Variants in GALNT17 observed in about 807,000 individuals in gnomAD.
GALNT17 encodes the protein UDP-GalNAc:polypeptide N-acetylgalactosaminyltransferase-like 3.
Under a neutral mutation model 63.7 loss-of-function variants are expected in GALNT17, and 29 were observed. The observed-to-expected ratio is 0.46, with a 90% CI of 0.34 to 0.62. The LOEUF is 0.62. Among genes scored for constraint, GALNT17 ranks in the 20% least tolerant of loss-of-function variants. The pLI is 0.01. For missense variants in GALNT17, 603 were observed against 799.6 expected (o/e 0.75, Z 2.97); for synonymous variants, 305 against 318.3 (o/e 0.96, Z 0.45).
chr7:71,388,448 G>A (rs1166684975), intron 3 of GALNT17, 47 bp downstream of exon 3: 1 of 1,576,450 alleles, frequency 6.3e-7, no homozygotes, highest in South Asian at 1.2e-5. Flanking sequence ...ACAGCAGGGG[G>A]AAATGCCACT....
At chr7:71,511,134 A>T (rs775970539) in intron 5 of GALNT17, among the ~76,000 whole-genome samples, 3 of 152,114 alleles carry the variant, frequency 2.0e-5, no homozygotes, top group Non-Finnish European at 4.4e-5. Context: ...GTGAGCCATG[A>T]TCATGCACCA....
intron 6 of GALNT17, among the ~76,000 whole-genome samples, chr7:71,595,111 C>T (rs1789866305): frequency 6.6e-6 from 1 of 152,062 alleles, no homozygotes; most frequent in South Asian, 2.1e-4. Context: ...ATGGCCACCA[C>T]CAAAAGCTAG....
chr7:71,565,175 G>A (rs1789321105), intron 5 of GALNT17, among the ~76,000 whole-genome samples: 1 of 152,098 alleles, frequency 6.6e-6, no homozygotes, highest in Non-Finnish European at 1.5e-5. Context: ...GCTGAGGCAG[G>A]AGAATCGCTT....
chr7:71,213,520 A>G (rs375071699), intron 1 of GALNT17, among the ~76,000 whole-genome samples: 3 of 152,172 alleles, frequency 2.0e-5, no homozygotes, highest in Admixed American at 6.5e-5. Context: ...TATGTTAACT[A>G]TATATCCATT....
At chr7:71,407,464 C>T (rs963100994) in intron 3 of GALNT17, among the ~76,000 whole-genome samples, 1 of 152,116 alleles carries the variant, frequency 6.6e-6, no homozygotes, top group East Asian at 1.9e-4. Context: ...TTCACACACA[C>T]GGTCCAGGCA....
intron 6 of GALNT17, among the ~76,000 whole-genome samples, chr7:71,625,534 A>G (rs73371243): frequency 0.084 from 12,745 of 151,968 alleles, 680 homozygotes; most frequent in African/African-American, 0.15. Flanking sequence ...TAAATTGCTT[A>G]TAATTTTTTG....
At chr7:71,677,011 A>G (rs1216462863) in intron 8 of GALNT17, among the ~76,000 whole-genome samples, 200 bp from the exon 9 acceptor site, 1 of 152,186 alleles carries the variant, frequency 6.6e-6, no homozygotes, top group Non-Finnish European at 1.5e-5. Flanking sequence ...TCAGAGACCT[A>G]GCATCCATGC....
chr7:71,573,261 C>T (rs981548406), intron 6 of GALNT17, among the ~76,000 whole-genome samples: 4 of 152,042 alleles, frequency 2.6e-5, no homozygotes, highest in Admixed American at 6.6e-5. Context: ...CTTCCCGCCT[C>T]GGCCTCCCAA....
chr7:71,145,106 A>G (rs924465396), intron 1 of GALNT17, among the ~76,000 whole-genome samples: 2 of 152,118 alleles, frequency 1.3e-5, no homozygotes, highest in African/African-American at 4.8e-5. Context: ...CATAAGAGGG[A>G]TGAAATTGTC....
At chr7:71,676,832 ACTTAGAAGCCACTGAGAAG>A (rs1259909939) in intron 8 of GALNT17, among the ~76,000 whole-genome samples, 1 of 152,140 alleles carries the variant, frequency 6.6e-6, no homozygotes, top group Non-Finnish European at 1.5e-5. Context: ...CACTTAGAAG[ACTTAGAAGCCACTGAGAAG>A]CTTAGAAGCC....
chr7:71,515,111 C>T (rs767390284), intron 5 of GALNT17, among the ~76,000 whole-genome samples: 22 of 152,248 alleles, frequency 1.4e-4, no homozygotes, highest in African/African-American at 3.4e-4. Flanking sequence ...ACTGTGAGTC[C>T]GTTAAACCTC....
At chr7:71,269,797 G>A (rs1354168204) in intron 1 of GALNT17, among the ~76,000 whole-genome samples, 1 of 152,172 alleles carries the variant, frequency 6.6e-6, no homozygotes, top group African/African-American at 2.4e-5. Flanking sequence ...GGCTGAGAAG[G>A]GAGAGCTGTG....
intron 5 of GALNT17, among the ~76,000 whole-genome samples, chr7:71,487,683 C>T (rs1444359675): frequency 1.3e-5 from 2 of 151,990 alleles, no homozygotes; most frequent in Non-Finnish European, 2.9e-5. Context: ...GAGGCTGAGA[C>T]GGGAAGCAGA....
At chr7:71,643,090 G>T (rs1311351848) in intron 6 of GALNT17, among the ~76,000 whole-genome samples, 1 of 152,090 alleles carries the variant, frequency 6.6e-6, no homozygotes, top group African/African-American at 2.4e-5. Context: ...AATTTTCCAG[G>T]ACAAAGACCT....
At chr7:71,287,256 A>G (rs1790892194) in intron 1 of GALNT17, among the ~76,000 whole-genome samples, 1 of 151,624 alleles carries the variant, frequency 6.6e-6, no homozygotes, top group Non-Finnish European at 1.5e-5. Flanking sequence ...ATGCCTGGCT[A>G]ATTTTTGTAT....
chr7:71,594,899 TG>T (rs1789863836), intron 6 of GALNT17, among the ~76,000 whole-genome samples: 1 of 152,198 alleles, frequency 6.6e-6, no homozygotes, highest in African/African-American at 2.4e-5. Flanking sequence ...CCCTGGTGCT[TG>T]TGGACATGAC....
rs1191592557 is a variant in GALNT17, at chr7:71,710,947, G to C, written c.1668+19G>C. On this transcript the variant is annotated intron_variant, in intron 10 of 10. Coordinates refer to ENST00000333538, the MANE Select transcript of GALNT17 (RefSeq NM_022479.3). ...CATCCAGGTGAGTGCTGTATGGACA[G>C]AGCCAGCACCCAGAGTAGCTGCAAG... 1.2e-6 allele frequency: 2 copies of C among 1,611,324 alleles called. No individual in the cohort carries two copies. Among genetic ancestry groups the C allele is most frequent in the Non-Finnish European group, 8.5e-7 (1 of 1,179,242 alleles).
At position 71,510,938 on chromosome 7, in the gene GALNT17, C is replaced by T. The variant is rs1003852484; in HGVS notation, c.963-60347C>T. Among the ~76,000 whole-genome samples, 4 of 151,846 alleles carry T rather than the reference C, an allele frequency of 2.6e-5. No individual in the cohort carries two copies. The South Asian group carries it at 6.2e-4, about 24-fold the overall frequency. On this transcript the variant is annotated intron_variant, in intron 5 of 10. Transcript: ENST00000333538. Reference sequence around the variant, plus strand: ...CTGTAATCCTAGTACTTTGGGAGGCCGAGGCAGAAGGATCCCTTGAAGCCA... The same window carrying T: ...CTGTAATCCTAGTACTTTGGGAGGCTGAGGCAGAAGGATCCCTTGAAGCCA...
At chr7:71,633,716 T>C (rs1009123524) in intron 6 of GALNT17, among the ~76,000 whole-genome samples, 1 of 152,238 alleles carries the variant, frequency 6.6e-6, no homozygotes, top group Non-Finnish European at 1.5e-5. Flanking sequence ...CTTGCTTCCT[T>C]GCAAATACCA....
Sources: allele counts gnomAD v4.1 joint callset (sites outside exome capture counted in the v4.1 genomes callset), GRCh38; gene constraint gnomAD v4.1.1; transcripts MANE v1.5; gene names NCBI Gene and HGNC (gene_info 2026-07-23, HGNC 2026-07-21).